Variants in SDK1 observed in about 807,000 individuals in gnomAD.
The protein encoded by SDK1 is sidekick cell adhesion molecule 1.
In SDK1, 157 loss-of-function variants were observed where a neutral mutation model predicts 245.5. The observed-to-expected ratio is 0.64, with a 90% CI of 0.56 to 0.73. The LOEUF (loss-of-function observed/expected upper bound fraction) is 0.73. SDK1 is among the 30% of genes least tolerant of loss of function. The pLI is 0.00. For missense variants in SDK1, 3,583 were observed against 3,002.3 expected (o/e 1.19, Z -4.52); for synonymous variants, 1,647 against 1,278.5 (o/e 1.29, Z -6.15).
chr7:4,020,604 G>T (rs376773332), intron 17 of SDK1, among the ~76,000 whole-genome samples: 1 of 152,212 alleles, frequency 6.6e-6, no homozygotes, highest in East Asian at 1.9e-4. Flanking sequence ...ACATGAGGAA[G>T]CAGAGTGACA....
Position 3,574,031 on chromosome 7 carries a change from G to C in SDK1, c.299-45049G>C, listed in dbSNP as rs1435566657. On this transcript the variant is annotated intron_variant, in intron 1 of 44. Coordinates refer to ENST00000404826, the MANE Select transcript of SDK1 (RefSeq NM_152744.4). ...GTTTTCACTTCGGTTCTGCAGATAG[G>C]TTGGGTGTTGAAGAATTTGTAGCTG... 3.3e-5 allele frequency among the ~76,000 whole-genome samples: 5 copies of C among 151,892 alleles called. 1 individual carries two copies. The highest frequency in any genetic ancestry group is 2.1e-4 in the South Asian group (1 of 4,812).
chr7:3,507,179 C>CT (rs1015675589), intron 1 of SDK1, among the ~76,000 whole-genome samples: 29 of 152,186 alleles, frequency 1.9e-4, no homozygotes, highest in Non-Finnish European at 5.9e-5. Context: ...GTCTTCAACA[C>CT]TGTGTGTACT....
chr7:3,936,801 C>G (rs1022737148), intron 5 of SDK1, among the ~76,000 whole-genome samples: 3 of 152,118 alleles, frequency 2.0e-5, no homozygotes, highest in African/African-American at 7.2e-5. Flanking sequence ...CTGGAGGAGG[C>G]GCTGTGTCCT....
chr7:3,852,276 C>T lies in SDK1; in HGVS notation c.847+30693C>T, dbSNP rs114958202. 1.9e-3 allele frequency among the ~76,000 whole-genome samples: 295 copies of T among 151,516 alleles called. 2 individuals carry two copies. Among genetic ancestry groups the T allele is most frequent in the African/African-American group, 6.9e-3 (286 of 41,278 alleles). On this transcript the variant is annotated intron_variant, in intron 5 of 44. Coordinates refer to ENST00000404826, the MANE Select transcript of SDK1 (RefSeq NM_152744.4). ...TTCCGTAGAAGTATAGAAAACTGGC[C>T]AGCCGAGAGCGACGGATGGCACCAG...
rs1023643330 is a variant in SDK1 at position 3,759,784 on chromosome 7, G to T, written c.714-61666G>T. Among the ~76,000 whole-genome samples, 52 of 151,970 alleles carry T rather than the reference G, an allele frequency of 3.4e-4. 1 individual carries two copies. Among genetic ancestry groups the T allele is most frequent in the Admixed American group, 2.1e-3 (32 of 15,274 alleles). On this transcript the variant is annotated intron_variant, in intron 4 of 44. Transcript: ENST00000404826. ...TTTTTTGTATTTTTAGCAGAGACGG[G>T]GTTTCACCATGTTGGCCAGGCTGGT...
chr7:3,758,418 ATATT>A (rs758908659), intron 4 of SDK1, among the ~76,000 whole-genome samples: 3 of 152,134 alleles, frequency 2.0e-5, no homozygotes, highest in Non-Finnish European at 4.4e-5. Context: ...GGATATATGA[ATATT>A]TATGTTATTC....
In SDK1 at chr7:4,268,864, TA is replaced by T; in HGVS notation, c.*3483del. The T allele has an allele frequency of 1.6e-6, 1 of 617,664 alleles. No homozygotes were observed. Among genetic ancestry groups the T allele is most frequent in the Non-Finnish European group, 2.7e-6 (1 of 373,612 alleles). 38.3% of individuals were successfully genotyped at this position (617,664 alleles called of 1,614,324 possible). A position where few individuals can be genotyped will look rare whatever the true frequency, so the allele number is the denominator to read the frequency against. ...CTGGTTTAGGGAGCCGTCAGGTCCC[TA>T]AACGTTCCCTACAACTTTTTCTGAA... On this transcript the variant is annotated 3_prime_UTR_variant, in exon 45 of 45. Coordinates refer to ENST00000404826, the MANE Select transcript of SDK1 (RefSeq NM_152744.4).
chr7:4,255,953 T>C (rs1168135316), intron 44 of SDK1, among the ~76,000 whole-genome samples: 12 of 142,636 alleles, frequency 8.4e-5, no homozygotes, highest in African/African-American at 3.3e-4. Flanking sequence ...GGAGTCTTGC[T>C]CTGTCACCCG....
At chr7:3,966,061 G>C (rs1269841679) in intron 9 of SDK1, among the ~76,000 whole-genome samples, 4 of 152,000 alleles carry the variant, frequency 2.6e-5, no homozygotes, top group African/African-American at 9.7e-5. Context: ...GGACATGAAA[G>C]CCTTTGTAGC....
At chr7:3,464,334 A>C (rs1446397762) in intron 1 of SDK1, among the ~76,000 whole-genome samples, 3 of 152,134 alleles carry the variant, frequency 2.0e-5, no homozygotes, top group East Asian at 3.9e-4. Flanking sequence ...GGCCAGCCTG[A>C]GTAACATAGC....
intron 1 of SDK1, among the ~76,000 whole-genome samples, chr7:3,481,267 C>A (rs1380235614): frequency 2.0e-5 from 3 of 152,194 alleles, no homozygotes; most frequent in Admixed American, 1.3e-4. Context: ...GGTTAAGTAA[C>A]TTGTTCAAGA....
chr7:3,898,361 C>T (rs1043840468), intron 5 of SDK1, among the ~76,000 whole-genome samples: 1 of 152,110 alleles, frequency 6.6e-6, no homozygotes, highest in African/African-American at 2.4e-5. Flanking sequence ...GCCTGCTGTC[C>T]GGTACAATGT....
chr7:3,978,915 G>T (rs901202170), intron 13 of SDK1, among the ~76,000 whole-genome samples: 1 of 152,184 alleles, frequency 6.6e-6, no homozygotes, highest in Non-Finnish European at 1.5e-5. Context: ...TCTGAAGTGA[G>T]CTTTTCAAAA....
At chr7:4,173,218 C>A (rs1781964207) in intron 32 of SDK1, among the ~76,000 whole-genome samples, 1 of 152,202 alleles carries the variant, frequency 6.6e-6, no homozygotes, top group South Asian at 2.1e-4. Context: ...GTTCCTTATC[C>A]CTCATCTGAG....
At chr7:3,509,393 C>T (rs757467907) in intron 1 of SDK1, among the ~76,000 whole-genome samples, 5 of 152,160 alleles carry the variant, frequency 3.3e-5, no homozygotes, top group Non-Finnish European at 5.9e-5. Flanking sequence ...CGTTACTTTT[C>T]TGTGTGTGTT....
Position 4,241,896 on chromosome 7 carries a change from C to T in SDK1, c.6234C>T (p.Ser2078=). ...SRHLNVKSTF[S]KKNGTRSPPR... is the part of the protein sequence containing the mutation. Reference sequence around the variant, plus strand: ...ACCTCAATGTCAAGAGCACCTTCTCCAAGAAGAACGGGACCAGGTAGGCAG... The same window carrying T: ...ACCTCAATGTCAAGAGCACCTTCTCTAAGAAGAACGGGACCAGGTAGGCAG... The change falls in exon 43 of 45, where the codon TCC becomes TCT. Residue 2078 remains serine (S), a synonymous_variant. Coordinates refer to ENST00000404826, the MANE Select transcript of SDK1 (RefSeq NM_152744.4). 2.5e-6 allele frequency: 4 copies of T among 1,613,730 alleles called. No individual in the cohort carries two copies. The highest frequency in any genetic ancestry group is 3.4e-6 in the Non-Finnish European group (4 of 1,180,028).
intron 1 of SDK1, among the ~76,000 whole-genome samples, chr7:3,555,564 T>C (rs756673762): frequency 6.6e-6 from 1 of 151,956 alleles, no homozygotes; most frequent in East Asian, 1.9e-4. Flanking sequence ...AAAGCAAAAA[T>C]GGACAAATGA....
chr7:3,467,362 A>G (rs892080071), intron 1 of SDK1, among the ~76,000 whole-genome samples: 8 of 152,114 alleles, frequency 5.3e-5, no homozygotes, highest in Admixed American at 2.0e-4. Flanking sequence ...CCACTCATGA[A>G]CATTAAAGAA....
intron 1 of SDK1, among the ~76,000 whole-genome samples, chr7:3,402,636 CT>C (rs536585439): frequency 1.2e-3 from 188 of 152,090 alleles, no homozygotes; most frequent in African/African-American, 4.4e-3. Context: ...TTTGTTGTTG[CT>C]TTTTTTCATC....
Sources: gnomAD v4.1 joint callset for allele counts (sites outside exome capture counted in the v4.1 genomes callset) on GRCh38, gnomAD v4.1.1 for gene constraint, MANE v1.5 for transcripts, NCBI Gene and HGNC (gene_info 2026-07-23, HGNC 2026-07-21) for gene names.